POT1: variants seen among roughly 807,000 people sequenced by gnomAD.
POT1 encodes protection of telomeres 1, also known as protection of telomeres protein 1.
A neutral mutation model predicts 78.5 loss-of-function variants in POT1; 47 were observed. The observed-to-expected ratio is 0.60, with a 90% CI of 0.47 to 0.76. The LOEUF (loss-of-function observed/expected upper bound fraction) is 0.76, where lower values mean the gene tolerates loss of function less well. Ranked by LOEUF, POT1 falls within the 30% of genes least tolerant of loss-of-function variation. POT1 has a pLI of 0.00. For synonymous variants in POT1, 259 were observed against 260.7 expected (o/e 0.99, Z 0.06); for missense variants, 646 against 749.9 (o/e 0.86, Z 1.62).
intron 2 of POT1, among the ~76,000 whole-genome samples, chr7:124,916,319 G>A (rs376741444): frequency 5.3e-5 from 8 of 151,794 alleles, no homozygotes; most frequent in Admixed American, 2.6e-4. Context: ...TTTACTTATA[G>A]GAACATAAAT....
intron 11 of POT1, among the ~76,000 whole-genome samples, chr7:124,847,551 T>C (rs1795201909): frequency 6.6e-6 from 1 of 152,240 alleles, no homozygotes; most frequent in African/African-American, 2.4e-5. Flanking sequence ...GCAAAGCAGA[T>C]GCTATCACTT....
intron 3 of POT1, among the ~76,000 whole-genome samples, chr7:124,903,580 C>T (rs1277900922): frequency 6.6e-6 from 1 of 152,096 alleles, no homozygotes; most frequent in Non-Finnish European, 1.5e-5. Flanking sequence ...CAAGAAAGAT[C>T]TAAAATGGAC....
At chr7:124,880,912 C>A (rs59670428) in intron 6 of POT1, among the ~76,000 whole-genome samples, 41,976 of 151,830 alleles carry the variant, frequency 0.28, 5,918 homozygotes, top group East Asian at 0.3. Context: ...CTCAGATATA[C>A]TTACAGTAGC....
At chr7:124,907,267 T>C (rs1796787219) in intron 3 of POT1, among the ~76,000 whole-genome samples, 2 of 152,150 alleles carry the variant, frequency 1.3e-5, no homozygotes, top group South Asian at 2.1e-4. Context: ...CCCTGTCACA[T>C]TGCCTTACAA....
At chr7:124,858,816 A>T in intron 9 of POT1, 141 bp downstream of exon 9, 1 of 501,330 alleles carries the variant, frequency 2.0e-6, no homozygotes, top group Non-Finnish European at 3.2e-6. Flanking sequence ...CATACATTTT[A>T]CAACTTAAAA....
chr7:124,870,050 C>G (rs1016739807), intron 7 of POT1, among the ~76,000 whole-genome samples: 1 of 151,938 alleles, frequency 6.6e-6, no homozygotes, highest in African/African-American at 2.4e-5. Flanking sequence ...GAATTAAACT[C>G]AAGCATTAGA....
chr7:124,913,505 C>G (rs1796940975), intron 3 of POT1, among the ~76,000 whole-genome samples: 1 of 151,858 alleles, frequency 6.6e-6, no homozygotes, highest in African/African-American at 2.4e-5. Flanking sequence ...TCAATTTTTC[C>G]TTCATTGCTC....
intron 1 of POT1, chr7:124,929,469 T>G (rs1797354361): frequency 6.6e-6 from 1 of 152,126 alleles, no homozygotes; most frequent in South Asian, 2.1e-4. Flanking sequence ...GAGATTAACT[T>G]CTGCATCGTA....
chr7:124,889,907 A>G (rs1796329685), intron 6 of POT1, among the ~76,000 whole-genome samples: 1 of 152,160 alleles, frequency 6.6e-6, no homozygotes, highest in Middle Eastern at 3.4e-3. Context: ...TGTTATTTTC[A>G]TGCCTGCTAA....
At chr7:124,839,621 T>G (rs1248881039) in intron 14 of POT1, among the ~76,000 whole-genome samples, 1 of 152,172 alleles carries the variant, frequency 6.6e-6, no homozygotes, top group Non-Finnish European at 1.5e-5. Context: ...AAAATAAAAA[T>G]AGCTCACATT....
intron 8 of POT1, among the ~76,000 whole-genome samples, chr7:124,862,182 C>T (rs193283363): frequency 3.3e-5 from 5 of 152,188 alleles, no homozygotes; most frequent in Admixed American, 2.0e-4. Flanking sequence ...CAATGGGATG[C>T]AGGTATGTGC....
intron 3 of POT1, among the ~76,000 whole-genome samples, chr7:124,902,060 T>C (rs934872270): frequency 1.4e-4 from 22 of 152,118 alleles, no homozygotes; most frequent in Admixed American, 9.2e-4. Flanking sequence ...TTGGTGTACC[T>C]AAAAGTGATG....
At chr7:124,827,136 G>C in intron 17 of POT1, 78 bp downstream of exon 17, 1 of 760,282 alleles carries the variant, frequency 1.3e-6, no homozygotes, top group Non-Finnish European at 1.9e-6. Flanking sequence ...TAGGAACAAA[G>C]CAGGTATGAA....
At chr7:124,844,451 T>A (rs1323204508) in intron 12 of POT1, among the ~76,000 whole-genome samples, 1 of 143,074 alleles carries the variant, frequency 7.0e-6, no homozygotes, top group Non-Finnish European at 1.5e-5. Flanking sequence ...AAAAAGGCCA[T>A]TGGCACCGGG....
At chr7:124,865,663 A>AT (rs1795702224) in intron 7 of POT1, among the ~76,000 whole-genome samples, 1 of 151,084 alleles carries the variant, frequency 6.6e-6, no homozygotes, top group Admixed American at 6.6e-5. Context: ...CACTGAATCT[A>AT]TTTTCACTTA....
chr7:124,832,252 C>CAA (rs372881075), intron 15 of POT1, among the ~76,000 whole-genome samples: 1,784 of 73,400 alleles, frequency 0.024, 29 homozygotes, highest in Non-Finnish European at 0.026. Flanking sequence ...ACACTGTCTC[C>CAA]AAAAAAAAAA....
intron 2 of POT1, among the ~76,000 whole-genome samples, chr7:124,927,492 G>A (rs1470388801): frequency 6.6e-6 from 1 of 152,144 alleles, no homozygotes. Flanking sequence ...TTAGGAGAGT[G>A]CCTACTAGAC....
At chr7:124,929,258 A>G (rs1337974200) in intron 1 of POT1, among the ~76,000 whole-genome samples, 1 of 152,184 alleles carries the variant, frequency 6.6e-6, no homozygotes, top group African/African-American at 2.4e-5. Flanking sequence ...CGTCACTAAC[A>G]AACGCTTTTA....
Position 124,870,934 on chromosome 7 carries a change from T to C in POT1, c.232A>G (p.Ile78Val). ...ALPIIYKNGD[I>V]VRFHRLKIQV... is the part of the protein sequence containing the mutation. ...ACCTTCAGCCTGTGAAAGCGAACAATATCTCCATTTTTATAAATTATTGGA... is the reference window on the plus strand; with the variant it reads ...ACCTTCAGCCTGTGAAAGCGAACAACATCTCCATTTTTATAAATTATTGGA... Residue 78 changes from isoleucine to valine, a missense_variant, in exon 7 of 19, where the codon ATT becomes GTT. Transcript: ENST00000357628. 5.6e-6 allele frequency: 9 copies of C among 1,607,618 alleles called. No individual in the cohort carries two copies. The highest frequency in any genetic ancestry group is 7.6e-6 in the Non-Finnish European group (9 of 1,176,644).
Sources: gnomAD v4.1 joint callset for allele counts (sites outside exome capture counted in the v4.1 genomes callset) on GRCh38, gnomAD v4.1.1 for gene constraint, MANE v1.5 for transcripts, NCBI Gene and HGNC (gene_info 2026-07-23, HGNC 2026-07-21) for gene names.